BDNF: variants seen among roughly 807,000 people sequenced by gnomAD.
BDNF encodes neurotrophic factor BDNF precursor form.
BDNF carries 1 observed loss-of-function variant against 19.5 expected under a neutral mutation model. The ratio of observed to expected loss-of-function variants is 0.05; its 90% CI spans 0.02 to 0.24. The LOEUF is 0.24. BDNF is among the 10% of genes least tolerant of loss of function. The probability of loss-of-function intolerance (pLI) is 1.00; values close to 1 mark genes in which losing one functional copy is unlikely to be tolerated. For missense variants in BDNF, 195 were observed against 317.6 expected (o/e 0.61, Z 2.93); for synonymous variants, 100 against 121.6 (o/e 0.82, Z 1.17).
At chr11:27,720,944 A>ATGAT (rs1860723913) in intron 1 of BDNF, among the ~76,000 whole-genome samples, 1 of 113,632 alleles carries the variant, frequency 8.8e-6, no homozygotes, top group African/African-American at 3.4e-5. Flanking sequence ...TCTCCCCCCA[A>ATGAT]CCCCACCCCC....
At chr11:27,708,692 C>A (rs1413128070) in intron 1 of BDNF, among the ~76,000 whole-genome samples, 6 of 151,360 alleles carry the variant, frequency 4.0e-5, no homozygotes, top group African/African-American at 1.5e-4. Context: ...ATATGAGGAA[C>A]AAAGAAATTG....
intron 1 of BDNF, among the ~76,000 whole-genome samples, chr11:27,660,732 C>CA (rs1245289576): frequency 1.6e-5 from 2 of 123,780 alleles, no homozygotes; most frequent in Admixed American, 8.2e-5. Context: ...ACTAAGAAAG[C>CA]AAAAATGCAG....
At chr11:27,669,943 A>T (rs1180676467) in intron 1 of BDNF, among the ~76,000 whole-genome samples, 1 of 152,232 alleles carries the variant, frequency 6.6e-6, no homozygotes. Context: ...AAGAGCCCGC[A>T]TCGCCAAGAC....
At chr11:27,709,274 T>C (rs1428060231) in intron 1 of BDNF, among the ~76,000 whole-genome samples, 2 of 152,124 alleles carry the variant, frequency 1.3e-5, no homozygotes, top group African/African-American at 4.8e-5. Flanking sequence ...AAGAACCAAA[T>C]GAAGTAACTC....
chr11:27,717,435 C>T (rs1030026655), intron 1 of BDNF, among the ~76,000 whole-genome samples: 1 of 152,184 alleles, frequency 6.6e-6, no homozygotes, highest in Non-Finnish European at 1.5e-5. Flanking sequence ...ATATTCTCTT[C>T]TATCCTCCAA....
intron 1 of BDNF, among the ~76,000 whole-genome samples, chr11:27,682,411 A>ATT (rs57076035): frequency 0.18 from 25,698 of 146,004 alleles, 2,877 homozygotes; most frequent in East Asian, 0.47. Flanking sequence ...TTATTATTAT[A>ATT]ATAATAATAA....
chr11:27,674,322 T>C lies in BDNF; in HGVS notation c.-21-15737A>G, dbSNP rs147943376. 8,145 of 1,545,758 alleles carry C rather than the reference T, an allele frequency of 5.3e-3. 33 individuals carry two copies. The highest frequency in any genetic ancestry group is 5.8e-3 in the Non-Finnish European group (6,677 of 1,144,538). On this transcript the variant is annotated intron_variant, in intron 1 of 1. Coordinates refer to ENST00000356660, the MANE Select transcript of BDNF (RefSeq NM_001709.5). ...CGGGTTATTTTTGCATCCCACTCTATAATTTCTTTTAATTACTTAACTGTA... is the reference window on the plus strand; with the variant it reads ...CGGGTTATTTTTGCATCCCACTCTACAATTTCTTTTAATTACTTAACTGTA...
At chr11:27,696,990 T>C (rs1432377304) in intron 1 of BDNF, among the ~76,000 whole-genome samples, 2 of 152,176 alleles carry the variant, frequency 1.3e-5, no homozygotes, top group African/African-American at 4.8e-5. Flanking sequence ...TCTCAAAATG[T>C]TAATAAACTA....
rs1852776284 is a variant in BDNF at position 27,657,844 on chromosome 11, A to G, written c.721T>C (p.Leu241=). The change falls in exon 2 of 2, where the codon TTG becomes CTG. Residue 241 remains leucine (L), a synonymous_variant. Transcript: ENST00000356660. The surrounding 1 kb of genome is among the most constrained non-coding windows in gnomAD (Gnocchi z 5.0). The part of the protein sequence containing the change: ...IRIDTSCVCT[L]TIKRGR ...CACTATCTTCCCCTTTTAATGGTCA[A>G]TGTACATACACAAGAAGTGTCTATC... 1.2e-6 allele frequency: 2 copies of G among 1,614,154 alleles called. No individual in the cohort carries two copies. Among genetic ancestry groups the G allele is most frequent in the Non-Finnish European group, 1.7e-6 (2 of 1,179,978 alleles).
chr11:27,699,819 C>T (rs1859684383), intron 1 of BDNF, among the ~76,000 whole-genome samples: 1 of 152,162 alleles, frequency 6.6e-6, no homozygotes, highest in Non-Finnish European at 1.5e-5. Flanking sequence ...CTCTGGCCCC[C>T]TAAGTCTCTC....
chr11:27,706,133 C>A (rs1390996704), intron 1 of BDNF, among the ~76,000 whole-genome samples: 2 of 152,260 alleles, frequency 1.3e-5, no homozygotes, highest in East Asian at 3.9e-4. Context: ...GAGGGCCCAC[C>A]ACGGTTAATC....
At chr11:27,685,222 T>G (rs187006244) in intron 1 of BDNF, among the ~76,000 whole-genome samples, 3 of 152,202 alleles carry the variant, frequency 2.0e-5, no homozygotes, top group African/African-American at 7.2e-5. Flanking sequence ...AGATTGTATT[T>G]TTGTGGGATC....
At chr11:27,718,765 C>T (rs1333082547) in intron 1 of BDNF, among the ~76,000 whole-genome samples, 1 of 152,024 alleles carries the variant, frequency 6.6e-6, no homozygotes, top group Admixed American at 6.6e-5. Flanking sequence ...TCCACAATAT[C>T]CTCGCTTCGC....
chr11:27,719,718 T>G (rs1590511555), intron 1 of BDNF: 2 of 534,362 alleles, frequency 3.7e-6, no homozygotes, highest in Non-Finnish European at 2.1e-6. Flanking sequence ...GAGGGAGGGA[T>G]GGAGGCTGGA....
At chr11:27,690,433 TGA>T (rs1858092666) in intron 1 of BDNF, among the ~76,000 whole-genome samples, 1 of 150,986 alleles carries the variant, frequency 6.6e-6, no homozygotes, top group Admixed American at 6.6e-5. Context: ...TTTCTTTTTT[TGA>T]GATTCACACA....
At chr11:27,676,672 A>C (rs1856162505) in intron 1 of BDNF, among the ~76,000 whole-genome samples, 1 of 152,228 alleles carries the variant, frequency 6.6e-6, no homozygotes, top group South Asian at 2.1e-4. Flanking sequence ...GGACAGTTTA[A>C]ATTTATCTTA....
chr11:27,710,862 G>A (rs945519490), intron 1 of BDNF, among the ~76,000 whole-genome samples: 1 of 152,138 alleles, frequency 6.6e-6, no homozygotes, highest in African/African-American at 2.4e-5. Flanking sequence ...ACTTGGAACT[G>A]CCCTAAACAA....
chr11:27,657,279 C>CCCCCCAT lies in BDNF; in HGVS notation c.*535_*541dup. 2.0e-6 allele frequency: 2 copies of CCCCCCAT among 985,762 alleles called. No individual in the cohort carries two copies. The highest frequency in any genetic ancestry group is 1.2e-6 in the Non-Finnish European group (1 of 830,104). 61.1% of individuals were successfully genotyped at this position (985,762 alleles called of 1,614,324 possible). On this transcript the variant is annotated 3_prime_UTR_variant, in exon 2 of 2. Coordinates refer to ENST00000356660, the MANE Select transcript of BDNF (RefSeq NM_001709.5). The surrounding 1 kb of genome is among the most constrained non-coding windows in gnomAD (Gnocchi z 5.0). ...AAAACACAAAACAAACAAAAATATA[C>CCCCCCAT]CCCCCATCCCCCATCCCCTAAGCCA...
At chr11:27,721,382 A>C (rs764472208) in intron 1 of BDNF, 1 of 1,613,566 alleles carries the variant, frequency 6.2e-7, no homozygotes, top group South Asian at 1.1e-5. Flanking sequence ...AAGATTTTTC[A>C]ATTATAATGC....
Sources: gnomAD v4.1 joint callset for allele counts (sites outside exome capture counted in the v4.1 genomes callset) on GRCh38, gnomAD v4.1.1 for gene constraint, Gnocchi (gnomAD v3.1) non-coding constraint, MANE v1.5 for transcripts, NCBI Gene and HGNC (gene_info 2026-07-23, HGNC 2026-07-21) for gene names.